MYO1E: variants seen among roughly 807,000 people sequenced by gnomAD.
MYO1E encodes unconventional myosin-Ie.
MYO1E carries 68 observed loss-of-function variants against 151.1 expected under a neutral mutation model. The observed-to-expected ratio is 0.45, with a 90% CI of 0.37 to 0.55. The LOEUF (loss-of-function observed/expected upper bound fraction) is 0.55. Ranked by LOEUF, MYO1E falls within the 20% of genes least tolerant of loss-of-function variation. MYO1E has a pLI of 0.00. For synonymous variants in MYO1E, 601 were observed against 501.7 expected (o/e 1.20, Z -2.64); for missense variants, 1,363 against 1,389.3 (o/e 0.98, Z 0.30).
rs772926154 is a variant in MYO1E, at chr15:59,207,939, T to G, written c.1530+742A>C. ...TAATTAAGGGCCTCTATGGAATAGA[T>G]GAAGAAGTATTCCTCAGTATTCCTT... On this transcript the variant is annotated intron_variant, in intron 14 of 27. Coordinates refer to ENST00000288235, the MANE Select transcript of MYO1E (RefSeq NM_004998.4). The G allele has an allele frequency of 1.9e-6, 3 of 1,614,080 alleles. No individual in the cohort carries two copies. The African/African-American group carries it at 4.0e-5, about 22-fold the overall frequency.
intron 2 of MYO1E, among the ~76,000 whole-genome samples, chr15:59,264,033 CT>C (rs2140375815): frequency 6.6e-6 from 1 of 152,300 alleles, no homozygotes; most frequent in African/African-American, 2.4e-5. Context: ...ACCTATTTGA[CT>C]TCAGGTTGAC....
In MYO1E at chr15:59,161,206, T is replaced by G. The variant is rs1457896707; in HGVS notation, c.2652A>C (p.Glu884Asp). Residue 884 changes from glutamate (E) to aspartate (D), a missense_variant, in exon 24 of 28, where the codon GAA becomes GAC. Glu to Asp is a conservative substitution (Grantham distance 45). Transcript: ENST00000288235. ...CCCCTGCACTCCAGGGGCCCCAGTTTTCCTTTTTCAACTTCAGTTCAAGCC... is the reference window on the plus strand; with the variant it reads ...CCCCTGCACTCCAGGGGCCCCAGTTGTCCTTTTTCAACTTCAGTTCAAGCC... ...SNTLELKLKK[E>D]NWGPWSAGGS... 1 of 1,613,930 alleles carries G rather than the reference T, an allele frequency of 6.2e-7. No individual in the cohort carries two copies. Among genetic ancestry groups the G allele is most frequent in the Non-Finnish European group, 8.5e-7 (1 of 1,179,866 alleles).
At chr15:59,242,042 G>A (rs566325514) in intron 4 of MYO1E, among the ~76,000 whole-genome samples, 4 of 152,328 alleles carry the variant, frequency 2.6e-5, no homozygotes, top group African/African-American at 9.6e-5. Flanking sequence ...CCAAGACAGT[G>A]ACCTTGGGTT....
At chr15:59,192,081 C>T (rs1226936348) in intron 17 of MYO1E, among the ~76,000 whole-genome samples, 3 of 152,160 alleles carry the variant, frequency 2.0e-5, no homozygotes, top group African/African-American at 7.2e-5. Context: ...GTGAAGCACA[C>T]TGCCCTTTCA....
chr15:59,272,188 A>G (rs930871425), intron 2 of MYO1E, 118 bp downstream of exon 2: 1 of 1,169,428 alleles, frequency 8.6e-7, no homozygotes, highest in Non-Finnish European at 1.3e-6. Flanking sequence ...CTCCTGCCTT[A>G]GCCTTCCAAA....
chr15:59,227,978 ACACT>A (rs1338249568), intron 6 of MYO1E, among the ~76,000 whole-genome samples: 4 of 152,286 alleles, frequency 2.6e-5, no homozygotes, highest in African/African-American at 9.6e-5. Flanking sequence ...TTGAGCAAAA[ACACT>A]CAATCTCTCT....
chr15:59,155,649 C>T (rs757758325), intron 25 of MYO1E, among the ~76,000 whole-genome samples: 13 of 152,180 alleles, frequency 8.5e-5, no homozygotes, highest in Non-Finnish European at 1.6e-4. Context: ...CTGGAACCAG[C>T]GCACACGCAG....
intron 26 of MYO1E, among the ~76,000 whole-genome samples, chr15:59,149,411 G>A (rs2079463315): frequency 6.6e-6 from 1 of 152,106 alleles, no homozygotes; most frequent in Non-Finnish European, 1.5e-5. Context: ...TTGAGAAACA[G>A]GAAAGATCTT....
chr15:59,210,583 C>T lies in MYO1E; in HGVS notation c.1293G>A (p.Glu431=), dbSNP rs764676427. The change falls in exon 13 of 28, where the codon GAG becomes GAA. Residue 431 remains glutamate, a synonymous_variant. Coordinates refer to ENST00000288235, the MANE Select transcript of MYO1E (RefSeq NM_004998.4). ...ACTCAATGGGTGTCCATCTTATTCCCTCTTGAACATATTCTTCCTGTAACA... is the reference window on the plus strand; with the variant it reads ...ACTCAATGGGTGTCCATCTTATTCCTTCTTGAACATATTCTTCCTGTAACA... ...LKAEQEEYVQ[E]GIRWTPIEYF... 41 of 1,600,384 alleles carry T rather than the reference C, an allele frequency of 2.6e-5. No homozygotes were observed. The highest frequency in any genetic ancestry group is 4.3e-6 in the Non-Finnish European group (5 of 1,167,604).
At chr15:59,363,275 C>T (rs1240225373) in intron 1 of MYO1E, among the ~76,000 whole-genome samples, 1 of 152,226 alleles carries the variant, frequency 6.6e-6, no homozygotes, top group Non-Finnish European at 1.5e-5. Flanking sequence ...CCATGCCCGG[C>T]CAGTATTACT....
At position 59,135,658 on chromosome 15, in the gene MYO1E, G is replaced by A. The variant is rs1413698381; in HGVS notation, c.*1722C>T. On this transcript the variant is annotated 3_prime_UTR_variant, in exon 28 of 28. Transcript: ENST00000288235. ...CTCCCTGTTCTTGAAGTAAAACACAGCAGAATTAAATGTATCTTCGTTTCA... is the reference window on the plus strand; with the variant it reads ...CTCCCTGTTCTTGAAGTAAAACACAACAGAATTAAATGTATCTTCGTTTCA... 6.6e-6 allele frequency: 1 copy of A among 152,160 alleles called. No homozygotes were observed. Among genetic ancestry groups the A allele is most frequent in the Non-Finnish European group, 1.5e-5 (1 of 68,024 alleles). 9.4% of individuals were successfully genotyped at this position (152,160 alleles called of 1,614,324 possible).
At chr15:59,139,386 A>T (rs1474385907) in intron 26 of MYO1E, among the ~76,000 whole-genome samples, 2 of 141,456 alleles carry the variant, frequency 1.4e-5, no homozygotes, top group African/African-American at 5.4e-5. Flanking sequence ...GTTACTCATC[A>T]CACTTCCCTC....
rs556526677 is a variant in MYO1E, at chr15:59,346,518, T to C, written c.3+25980A>G. On this transcript the variant is annotated intron_variant, in intron 1 of 27. Transcript: ENST00000288235. ...TCTGTGGGTTATGACATGATATCCATTAAATTATAAGAACTATGGATAAAA... is the reference window on the plus strand; with the variant it reads ...TCTGTGGGTTATGACATGATATCCACTAAATTATAAGAACTATGGATAAAA... Among the ~76,000 whole-genome samples, 30 of 152,278 alleles carry C rather than the reference T, an allele frequency of 2.0e-4. No individual in the cohort carries two copies. In the South Asian group the frequency reaches 6.0e-3, roughly 31 times the overall value.
At chr15:59,211,216 A>G (rs1236804628) in intron 12 of MYO1E, among the ~76,000 whole-genome samples, 1 of 146,788 alleles carries the variant, frequency 6.8e-6, no homozygotes, top group Non-Finnish European at 1.5e-5. Flanking sequence ...AAAAAAAAAA[A>G]TTGAATATAG....
At chr15:59,240,764 G>A (rs549241673) in intron 4 of MYO1E, among the ~76,000 whole-genome samples, 14 of 152,260 alleles carry the variant, frequency 9.2e-5, no homozygotes, top group African/African-American at 3.1e-4. Flanking sequence ...CTGAATCAAC[G>A]TAATTGAAAT....
Position 59,153,702 on chromosome 15 carries a change from T to C in MYO1E, c.2968A>G (p.Thr990Ala), listed in dbSNP as rs1263251034. ...SQRSNQKSLY[T>A]SMARPPLPRQ... ...GGCAAGGGCGGGCGGGCCATGGAGGTGTACAGGCTTTTCTGATTGGACCTC... is the reference window on the plus strand; with the variant it reads ...GGCAAGGGCGGGCGGGCCATGGAGGCGTACAGGCTTTTCTGATTGGACCTC... The change falls in exon 26 of 28, where the codon ACC (threonine) becomes GCC (alanine). Residue 990 changes from threonine to alanine, a missense_variant. Coordinates refer to ENST00000288235, the MANE Select transcript of MYO1E (RefSeq NM_004998.4). The C allele has an allele frequency of 6.2e-6, 10 of 1,613,946 alleles. No homozygotes were observed. The African/African-American group carries it at 8.0e-5, about 13-fold the overall frequency.
intron 4 of MYO1E, among the ~76,000 whole-genome samples, chr15:59,250,718 C>G (rs946941367): frequency 6.6e-6 from 1 of 152,122 alleles, no homozygotes; most frequent in African/African-American, 2.4e-5. Context: ...GGCAGTCTAC[C>G]GAGGAGGCCT....
intron 23 of MYO1E, among the ~76,000 whole-genome samples, chr15:59,161,491 TGTGCCA>T (rs2079538305): frequency 6.6e-6 from 1 of 152,136 alleles, no homozygotes. Flanking sequence ...ATCTGGCTAA[TGTGCCA>T]GTGCCACTCT....
At chr15:59,368,780 T>C (rs1438883937) in intron 1 of MYO1E, among the ~76,000 whole-genome samples, 2 of 152,154 alleles carry the variant, frequency 1.3e-5, no homozygotes, top group African/African-American at 2.4e-5. Flanking sequence ...GACAAGACTG[T>C]AGTCCTCAGC....
Sources: allele counts gnomAD v4.1 joint callset (sites outside exome capture counted in the v4.1 genomes callset), GRCh38; gene constraint gnomAD v4.1.1; transcripts MANE v1.5; gene names NCBI Gene and HGNC (gene_info 2026-07-23, HGNC 2026-07-21).